Variants in AKT3 observed in about 807,000 individuals in gnomAD.
AKT3 encodes AKT serine/threonine kinase 3, also known as RAC-gamma serine/threonine-protein kinase.
AKT3 carries 15 observed loss-of-function variants against 65.3 expected under a neutral mutation model. The ratio of observed to expected loss-of-function variants is 0.23; its 90% CI spans 0.15 to 0.35. AKT3 has a LOEUF of 0.35. Among genes scored for constraint, AKT3 ranks in the 10% least tolerant of loss-of-function variants. AKT3 has a pLI of 1.00. For missense variants in AKT3, 243 were observed against 576.5 expected (o/e 0.42, Z 5.92); for synonymous variants, 206 against 183.8 (o/e 1.12, Z -0.98).
rs551751038 is a variant in AKT3, at chr1:243,642,521, G to C, written c.429+3372C>G. 3.8e-3 allele frequency among the ~76,000 whole-genome samples: 573 copies of C among 152,218 alleles called. 1 individual carries two copies. Among genetic ancestry groups the C allele is most frequent in the Middle Eastern group, 6.8e-3 (2 of 294 alleles). ...AGACGGGGTTTCACCGTGTTAGCCAGGATGGTCTCGATCTCCTGACCTTGT... is the reference window on the plus strand; with the variant it reads ...AGACGGGGTTTCACCGTGTTAGCCACGATGGTCTCGATCTCCTGACCTTGT... On this transcript the variant is annotated intron_variant, in intron 5 of 13. Transcript: ENST00000673466.
chr1:243,577,853 C>T (rs1235149723), intron 8 of AKT3, among the ~76,000 whole-genome samples: 3 of 151,752 alleles, frequency 2.0e-5, no homozygotes, highest in Non-Finnish European at 2.9e-5. Flanking sequence ...AAAAAAAAAT[C>T]CCCATTCAAA....
intron 2 of AKT3, among the ~76,000 whole-genome samples, chr1:243,715,430 A>C (rs989051729): frequency 6.6e-6 from 1 of 152,100 alleles, no homozygotes; most frequent in Non-Finnish European, 1.5e-5. Flanking sequence ...ATGGGTCTTA[A>C]AAGTTCATTA....
intron 1 of AKT3, among the ~76,000 whole-genome samples, chr1:243,849,725 G>C (rs1007098759): frequency 1.3e-5 from 2 of 151,672 alleles, no homozygotes; most frequent in Non-Finnish European, 2.9e-5. Context: ...AGACACAGAC[G>C]GTACCGCTAG....
At chr1:243,744,847 G>A (rs895242816) in intron 2 of AKT3, among the ~76,000 whole-genome samples, 2 of 151,204 alleles carry the variant, frequency 1.3e-5, no homozygotes, top group African/African-American at 4.9e-5. Context: ...ACTATGTTCA[G>A]TGGTAATTTC....
intron 12 of AKT3, among the ~76,000 whole-genome samples, chr1:243,525,587 TA>T (rs1375821576): frequency 4.1e-5 from 6 of 145,510 alleles, no homozygotes; most frequent in Non-Finnish European, 6.0e-5. Flanking sequence ...AAACCTAAAA[TA>T]AAAAAAAATA....
chr1:243,596,340 A>G (rs1472213196), intron 8 of AKT3, among the ~76,000 whole-genome samples: 2 of 152,196 alleles, frequency 1.3e-5, no homozygotes, highest in African/African-American at 4.8e-5. Flanking sequence ...CATTTGTAAT[A>G]CAAATATTTG....
At chr1:243,498,200 G>A (rs537125753), downstream of AKT3, among the ~76,000 whole-genome samples, 3 of 152,120 alleles carry the variant, frequency 2.0e-5, no homozygotes, top group Admixed American at 6.5e-5. Flanking sequence ...TGGAGGGCAC[G>A]TCAGCTTGGT....
intron 2 of AKT3, among the ~76,000 whole-genome samples, chr1:243,710,211 T>C (rs987784053): frequency 6.6e-6 from 1 of 152,176 alleles, no homozygotes; most frequent in Non-Finnish European, 1.5e-5. Flanking sequence ...TACGGTTTCA[T>C]TTATTTGTGA....
chr1:243,629,820 G>A (rs541940293), intron 6 of AKT3, among the ~76,000 whole-genome samples: 1 of 152,166 alleles, frequency 6.6e-6, no homozygotes, highest in East Asian at 1.9e-4. Context: ...AGATATGGGA[G>A]ATATGCAGCA....
At chr1:243,790,979 A>G (rs1691597236) in intron 2 of AKT3, among the ~76,000 whole-genome samples, 1 of 152,230 alleles carries the variant, frequency 6.6e-6, no homozygotes. Context: ...CGGTATAATA[A>G]TAACGAAAAA....
chr1:243,712,038 A>C (rs1371869504), intron 2 of AKT3, among the ~76,000 whole-genome samples: 1 of 152,184 alleles, frequency 6.6e-6, no homozygotes, highest in Non-Finnish European at 1.5e-5. Flanking sequence ...ACCACTGACA[A>C]ACCATACCCT....
intron 2 of AKT3, among the ~76,000 whole-genome samples, chr1:243,841,589 G>T (rs2148474077): frequency 6.6e-6 from 1 of 152,236 alleles, no homozygotes; most frequent in African/African-American, 2.4e-5. Context: ...AGGCACATCG[G>T]AAAACAGCTG....
At chr1:243,705,226 C>G (rs905965266) in intron 2 of AKT3, among the ~76,000 whole-genome samples, 1 of 152,134 alleles carries the variant, frequency 6.6e-6, no homozygotes, top group Non-Finnish European at 1.5e-5. Context: ...GTTTTCATAT[C>G]GGCTTCCTAA....
intron 4 of AKT3, among the ~76,000 whole-genome samples, chr1:243,650,343 C>G (rs1681212680): frequency 6.6e-6 from 1 of 152,192 alleles, no homozygotes; most frequent in Admixed American, 6.5e-5. Context: ...AAATTTTCTC[C>G]CATTCTGTAG....
chr1:243,750,583 C>CT (rs1366859334), intron 2 of AKT3, among the ~76,000 whole-genome samples: 7,479 of 140,416 alleles, frequency 0.053, 271 homozygotes, highest in African/African-American at 0.1. Context: ...TAAGGCTAAT[C>CT]TTTTTTTTTT....
intron 8 of AKT3, among the ~76,000 whole-genome samples, chr1:243,580,721 G>A (rs766097636): frequency 2.0e-5 from 3 of 152,160 alleles, no homozygotes; most frequent in African/African-American, 7.2e-5. Flanking sequence ...GAACAGATTC[G>A]CATGTGCCAT....
chr1:243,574,353 A>C (rs2148510632), intron 8 of AKT3, among the ~76,000 whole-genome samples: 1 of 151,820 alleles, frequency 6.6e-6, no homozygotes, highest in African/African-American at 2.4e-5. Context: ...CTATAGCCCC[A>C]AAAAGTGTAG....
rs78365775 is a variant in AKT3 at position 243,567,209 on chromosome 1, G to T, written c.820-3361C>A. On this transcript the variant is annotated intron_variant, in intron 9 of 13. Transcript: ENST00000673466. The stretch of plus-strand genomic sequence containing the variant: ...AGCGGGAGAGTTACTTGAGCCCGAG[G>T]TGTGTGGGGAGGTTGTAATATGCAG... 8.4e-3 allele frequency among the ~76,000 whole-genome samples: 1,284 copies of T among 152,262 alleles called. 16 individuals are homozygous for T. The highest frequency in any genetic ancestry group is 0.029 in the African/African-American group (1,205 of 41,556).
At chr1:243,641,071 G>C (rs1680347880) in intron 5 of AKT3, among the ~76,000 whole-genome samples, 1 of 151,952 alleles carries the variant, frequency 6.6e-6, no homozygotes, top group South Asian at 2.1e-4. Flanking sequence ...GGCTAGACTG[G>C]CTTAGCCTCC....
Sources: allele counts gnomAD v4.1 joint callset (sites outside exome capture counted in the v4.1 genomes callset), GRCh38; gene constraint gnomAD v4.1.1; transcripts MANE v1.5; gene names NCBI Gene and HGNC (gene_info 2026-07-23, HGNC 2026-07-21).